The following RBFOX1 variants were observed in gnomAD, a reference collection of about 807,000 sequenced individuals.
The protein encoded by RBFOX1 is RNA binding fox-1 homolog 1, also known as RNA binding protein fox-1 homolog 1.
In RBFOX1, 8 loss-of-function variants were observed where a neutral mutation model predicts 57.7. The ratio of observed to expected loss-of-function variants is 0.14; its 90% CI spans 0.08 to 0.25. The LOEUF is 0.25. Ranked by LOEUF, RBFOX1 falls within the 10% of genes least tolerant of loss-of-function variation. The pLI is 1.00. For missense variants in RBFOX1, 611 were observed against 548.5 expected (o/e 1.11, Z -1.14); for synonymous variants, 326 against 222.4 (o/e 1.47, Z -4.15).
Position 6,164,040 on chromosome 16 carries a change from A to T in RBFOX1, c.-127+144048A>T, listed in dbSNP as rs11639632. Among the ~76,000 whole-genome samples, 518 of 152,294 alleles carry T rather than the reference A, an allele frequency of 3.4e-3. 1 individual carries two copies. Among genetic ancestry groups the T allele is most frequent in the South Asian group, 0.012 (57 of 4,812 alleles). ...TGACGAGAGTAGTTGAAATCTTCTTATTTAACAAAAATTGCTGATAGAATT... is the reference window on the plus strand; with the variant it reads ...TGACGAGAGTAGTTGAAATCTTCTTTTTTAACAAAAATTGCTGATAGAATT... On this transcript the variant is annotated intron_variant, in intron 1 of 15. Coordinates refer to ENST00000550418, the MANE Select transcript of RBFOX1 (RefSeq NM_018723.4).
At chr16:6,399,003 C>A (rs543244537) in intron 2 of RBFOX1, among the ~76,000 whole-genome samples, 7 of 152,334 alleles carry the variant, frequency 4.6e-5, no homozygotes, top group African/African-American at 1.7e-4. Context: ...CACACATCCT[C>A]TGAAATCTAG....
intron 14 of RBFOX1, among the ~76,000 whole-genome samples, chr16:7,683,643 A>C (rs2075409637): frequency 6.6e-6 from 1 of 152,076 alleles, no homozygotes; most frequent in Non-Finnish European, 1.5e-5. Context: ...TCATGGCCTA[A>C]TTACACACTT....
chr16:7,268,361 T>C (rs2095228571), intron 4 of RBFOX1, among the ~76,000 whole-genome samples: 2 of 152,078 alleles, frequency 1.3e-5, no homozygotes, highest in Admixed American at 1.3e-4. Flanking sequence ...GCTGAAGAAG[T>C]CCAGGCAGCC....
intron 3 of RBFOX1, among the ~76,000 whole-genome samples, chr16:5,785,415 A>T (rs2151715851): frequency 6.6e-6 from 1 of 152,246 alleles, no homozygotes; most frequent in African/African-American, 2.4e-5. Context: ...CTTTGTTTCC[A>T]AGGCCCCACC....
In RBFOX1 at chr16:6,244,775, TG is replaced by T. The variant is rs1192771249; in HGVS notation, c.-126-72217del. ...CACCTTCCTTGACCTCCCAAAGTGC[TG>T]GGATTACAGGCGTGAGCCAACACAC... On this transcript the variant is annotated intron_variant, in intron 1 of 15. Transcript: ENST00000550418. Among the ~76,000 whole-genome samples, 7 of 152,362 alleles carry T rather than the reference TG, an allele frequency of 4.6e-5. No homozygotes were observed. In the East Asian group the frequency reaches 9.7e-4, roughly 21 times the overall value.
At chr16:7,623,785 C>G (rs761466942) in intron 10 of RBFOX1, among the ~76,000 whole-genome samples, 2 of 152,170 alleles carry the variant, frequency 1.3e-5, no homozygotes, top group Non-Finnish European at 2.9e-5. Flanking sequence ...TGAGGCCTCT[C>G]TCCTTGGCTT....
intron 1 of RBFOX1, among the ~76,000 whole-genome samples, chr16:5,462,547 C>T (rs573781356): frequency 6.6e-6 from 1 of 152,248 alleles, no homozygotes; most frequent in East Asian, 1.9e-4. Context: ...CAAGTTTTAC[C>T]AGAGTATAAA....
chr16:6,803,581 G>A (rs1185752510), intron 3 of RBFOX1, among the ~76,000 whole-genome samples: 2 of 152,096 alleles, frequency 1.3e-5, no homozygotes, highest in African/African-American at 4.8e-5. Flanking sequence ...TATGTATGGT[G>A]GTAAAATAAA....
intron 3 of RBFOX1, among the ~76,000 whole-genome samples, chr16:6,992,367 A>G (rs1376251022): frequency 2.0e-5 from 3 of 151,734 alleles, no homozygotes; most frequent in African/African-American, 7.3e-5. Context: ...ACAGGTACCC[A>G]CCACCATGCC....
chr16:6,574,378 G>C (rs898161872), intron 2 of RBFOX1, among the ~76,000 whole-genome samples: 10 of 151,716 alleles, frequency 6.6e-5, no homozygotes, highest in African/African-American at 2.4e-4. Context: ...ATGCTGTGAG[G>C]AGGGGGCGGA....
intron 3 of RBFOX1, among the ~76,000 whole-genome samples, chr16:6,994,929 T>C (rs1188396250): frequency 2.0e-5 from 3 of 150,532 alleles, no homozygotes; most frequent in African/African-American, 7.4e-5. Flanking sequence ...ATTGGGCATG[T>C]GATTCTTGCA....
chr16:7,708,074 C>G (rs1282506386), intron 14 of RBFOX1, among the ~76,000 whole-genome samples: 1 of 152,160 alleles, frequency 6.6e-6, no homozygotes, highest in Non-Finnish European at 1.5e-5. Flanking sequence ...AGTGCAGTGA[C>G]TCACGCCTGT....
intron 3 of RBFOX1, among the ~76,000 whole-genome samples, chr16:5,689,731 C>G (rs1225957936): frequency 6.7e-6 from 1 of 149,948 alleles, no homozygotes; most frequent in African/African-American, 2.5e-5. Flanking sequence ...CTTTTAGGAA[C>G]AAGGAATACA....
Position 7,543,730 on chromosome 16 carries a change from A to G in RBFOX1, c.270+25341A>G, listed in dbSNP as rs527747015. Among the ~76,000 whole-genome samples, 205 of 143,016 alleles carry G rather than the reference A, an allele frequency of 1.4e-3. 1 individual carries two copies. Among genetic ancestry groups the G allele is most frequent in the African/African-American group, 5.0e-3 (193 of 38,932 alleles). The allele number at this position is 143,016 out of a possible 152,430, so 93.8% of individuals were successfully genotyped here. A position where few individuals can be genotyped will look rare whatever the true frequency, so the allele number is the denominator to read the frequency against. ...GTGTGTGTGTGTGTGTTTATTTTTT[A>G]TATATTTATTTTTTTCAAATGGACT... is the stretch of plus-strand genomic sequence containing the variant. On this transcript the variant is annotated intron_variant, in intron 5 of 15. Coordinates refer to ENST00000550418, the MANE Select transcript of RBFOX1 (RefSeq NM_018723.4).
chr16:7,520,914 C>G (rs893282477), intron 5 of RBFOX1, among the ~76,000 whole-genome samples: 8 of 152,088 alleles, frequency 5.3e-5, no homozygotes, highest in Admixed American at 2.6e-4. Context: ...TATTAAGCTT[C>G]TATTAGGGCC....
chr16:6,284,483 G>A (rs148270156), intron 1 of RBFOX1, among the ~76,000 whole-genome samples: 253 of 152,288 alleles, frequency 1.7e-3, no homozygotes, highest in Non-Finnish European at 2.6e-3. Context: ...CAGAACTGCA[G>A]GTGGGTGGGC....
At chr16:7,418,672 C>T (rs551377164) in intron 4 of RBFOX1, among the ~76,000 whole-genome samples, 6 of 152,210 alleles carry the variant, frequency 3.9e-5, no homozygotes, top group East Asian at 1.9e-4. Flanking sequence ...ATTTTTACTC[C>T]CTTACTTTTG....
chr16:5,496,795 A>G (rs948058446), intron 2 of RBFOX1, among the ~76,000 whole-genome samples: 1 of 152,194 alleles, frequency 6.6e-6, no homozygotes, highest in Non-Finnish European at 1.5e-5. Flanking sequence ...ATTTCTAGTT[A>G]GAGATCATTT....
intron 2 of RBFOX1, among the ~76,000 whole-genome samples, chr16:6,381,870 G>T (rs1021686337): frequency 2.0e-5 from 3 of 152,218 alleles, no homozygotes; most frequent in African/African-American, 7.2e-5. Flanking sequence ...ATAGGGCACG[G>T]GTTTAATAGC....
Sources: gnomAD v4.1 joint callset for allele counts (sites outside exome capture counted in the v4.1 genomes callset) on GRCh38, gnomAD v4.1.1 for gene constraint, MANE v1.5 for transcripts, NCBI Gene and HGNC (gene_info 2026-07-23, HGNC 2026-07-21) for gene names.